MAPK8IP1: variants seen among roughly 807,000 people sequenced by gnomAD.
The protein encoded by MAPK8IP1 is C-Jun-amino-terminal kinase-interacting protein 1.
Under a neutral mutation model 72.6 loss-of-function variants are expected in MAPK8IP1, and 17 were observed. The ratio of observed to expected loss-of-function variants is 0.23; its 90% CI spans 0.16 to 0.35. MAPK8IP1 has a LOEUF of 0.35. Ranked by LOEUF, MAPK8IP1 falls within the 10% of genes least tolerant of loss-of-function variation. MAPK8IP1 has a pLI of 1.00. For synonymous variants in MAPK8IP1, 401 were observed against 443.4 expected, an observed-to-expected ratio of 0.90 and a Z score of 1.20; for missense variants, 789 against 1,009.7, an observed-to-expected ratio of 0.78 and a Z score of 2.96.
chr11:45,902,183 T>C lies in MAPK8IP1; in HGVS notation c.604+122T>C. 9.6e-7 allele frequency: 1 copy of C among 1,039,184 alleles called. No homozygotes were observed. The highest frequency in any genetic ancestry group is 1.5e-6 in the Non-Finnish European group (1 of 658,484). The allele number at this position is 1,039,184 out of a possible 1,614,324, so 64.4% of individuals were successfully genotyped here. A position where few individuals can be genotyped will look rare whatever the true frequency, so the allele number is the denominator to read the frequency against. The stretch of plus-strand genomic sequence containing the variant: ...GAGGTGAACTGCCCACCCACATCCC[T>C]GCACGAGCCCATCCAGGGGCTGAGA... On this transcript the variant is annotated intron_variant, in intron 4 of 11. Transcript: ENST00000241014. This position sits in a 1 kb window ranked among gnomAD's most constrained non-coding sequence, Gnocchi z 9.3.
At chr11:45,897,744 G>A (rs1033197928) in intron 1 of MAPK8IP1, among the ~76,000 whole-genome samples, 1 of 152,212 alleles carries the variant, frequency 6.6e-6, no homozygotes, top group African/African-American at 2.4e-5. Flanking sequence ...TGGTGAACTG[G>A]CCTTGGCACC....
chr11:45,888,965 G>A (rs1440587068), intron 1 of MAPK8IP1, among the ~76,000 whole-genome samples: 2 of 152,184 alleles, frequency 1.3e-5, no homozygotes, highest in African/African-American at 2.4e-5. Context: ...CTCCCAAAGT[G>A]CTGGAATTAC....
intron 1 of MAPK8IP1, among the ~76,000 whole-genome samples, chr11:45,889,531 A>T (rs1189296719): frequency 6.6e-6 from 1 of 152,158 alleles, no homozygotes; most frequent in Non-Finnish European, 1.5e-5. Context: ...TGGGACAAAG[A>T]GGAGGGGCAG....
In MAPK8IP1 at chr11:45,902,637, A is replaced by G; in HGVS notation, c.870A>G (p.Pro290=). 1 of 1,612,902 alleles carries G rather than the reference A, an allele frequency of 6.2e-7. No homozygotes were observed. The highest frequency in any genetic ancestry group is 8.5e-7 in the Non-Finnish European group (1 of 1,179,910). The change falls in exon 5 of 12, where the codon CCA becomes CCG. Residue 290 remains proline (P), a synonymous_variant. Transcript: ENST00000241014. This position sits in a 1 kb window ranked among gnomAD's most constrained non-coding sequence, Gnocchi z 9.3. ...ACCTGACCCCAGTGCAGAGGCCCCCAGACGCTGCAGAGCCCACCTCCGCCT... is the reference window on the plus strand; with the variant it reads ...ACCTGACCCCAGTGCAGAGGCCCCCGGACGCTGCAGAGCCCACCTCCGCCT... ...EIYLTPVQRP[P]DAAEPTSAFL... is the part of the protein sequence containing the mutation.
chr11:45,902,208 A>G lies in MAPK8IP1; in HGVS notation c.604+147A>G. The G allele has an allele frequency of 1.0e-6, 1 of 990,818 alleles. No individual in the cohort carries two copies. The highest frequency in any genetic ancestry group is 1.3e-5 in the South Asian group (1 of 76,942). The allele number at this position is 990,818 out of a possible 1,614,324, so 61.4% of individuals were successfully genotyped here. A position where few individuals can be genotyped will look rare whatever the true frequency, so the allele number is the denominator to read the frequency against. ...TGCACGAGCCCATCCAGGGGCTGAGATCAGTGGTGGCATGAGTGAGTTGAC... is the reference window on the plus strand; with the variant it reads ...TGCACGAGCCCATCCAGGGGCTGAGGTCAGTGGTGGCATGAGTGAGTTGAC... On this transcript the variant is annotated intron_variant, in intron 4 of 11. Coordinates refer to ENST00000241014, the MANE Select transcript of MAPK8IP1 (RefSeq NM_005456.4). The surrounding 1 kb of genome is among the most constrained non-coding windows in gnomAD (Gnocchi z 9.3).
Position 45,904,306 on chromosome 11 carries a change from A to G in MAPK8IP1, c.1666+145A>G. On this transcript the variant is annotated intron_variant, in intron 7 of 11. Transcript: ENST00000241014. The surrounding 1 kb of genome is among the most constrained non-coding windows in gnomAD (Gnocchi z 6.4). ...TTTAGGTCCTTTTCACGATCAAGCA[A>G]AGTGAGGCCCGGCCAAGTTGGGCAG... 1 of 1,223,144 alleles carries G rather than the reference A, an allele frequency of 8.2e-7. No homozygotes were observed. Among genetic ancestry groups the G allele is most frequent in the Non-Finnish European group, 1.2e-6 (1 of 848,764 alleles). 75.8% of individuals were successfully genotyped at this position (1,223,144 alleles called of 1,614,324 possible).
At chr11:45,892,495 G>GC (rs145586145) in intron 1 of MAPK8IP1, among the ~76,000 whole-genome samples, 8,914 of 152,282 alleles carry the variant, frequency 0.059, 375 homozygotes, top group Non-Finnish European at 0.082. Flanking sequence ...GCCACCGCGG[G>GC]CCGCATAACC....
intron 1 of MAPK8IP1, among the ~76,000 whole-genome samples, chr11:45,894,020 T>C (rs972062016): frequency 6.6e-5 from 10 of 151,960 alleles, no homozygotes; most frequent in Admixed American, 1.3e-4. Flanking sequence ...CCTTGATCCT[T>C]GGTAGTGACC....
Position 45,900,521 on chromosome 11 carries a change from T to C in MAPK8IP1, c.522+69T>C. The C allele has an allele frequency of 6.7e-7, 1 of 1,503,002 alleles. No individual in the cohort carries two copies. Among genetic ancestry groups the C allele is most frequent in the Non-Finnish European group, 8.9e-7 (1 of 1,127,848 alleles). The allele number at this position is 1,503,002 out of a possible 1,614,324, so 93.1% of individuals were successfully genotyped here. On this transcript the variant is annotated intron_variant, in intron 3 of 11. Coordinates refer to ENST00000241014, the MANE Select transcript of MAPK8IP1 (RefSeq NM_005456.4). The surrounding 1 kb of genome is among the most constrained non-coding windows in gnomAD (Gnocchi z 6.5). The stretch of plus-strand genomic sequence containing the variant: ...GATGTGAGGGGGAGCGCAGAGGGGC[T>C]GCAGCGGGAAGGGGCACCCACGGGT...
At chr11:45,891,592 C>T (rs2086566415) in intron 1 of MAPK8IP1, among the ~76,000 whole-genome samples, 1 of 152,096 alleles carries the variant, frequency 6.6e-6, no homozygotes, top group African/African-American at 2.4e-5. Flanking sequence ...CTGGCATGAC[C>T]CAAGATGAAA....
chr11:45,894,817 C>T (rs546053104), intron 1 of MAPK8IP1, among the ~76,000 whole-genome samples: 5 of 152,332 alleles, frequency 3.3e-5, no homozygotes, highest in Admixed American at 6.5e-5. Context: ...GTGCTGGATA[C>T]AGGCCCCATC....
chr11:45,903,785 C>T lies in MAPK8IP1; in HGVS notation c.1494-204C>T, dbSNP rs984477081. Among the ~76,000 whole-genome samples, 1 of 152,200 alleles carries T rather than the reference C, an allele frequency of 6.6e-6. No individual in the cohort carries two copies. The highest frequency in any genetic ancestry group is 2.4e-5 in the African/African-American group (1 of 41,450). On this transcript the variant is annotated intron_variant, in intron 6 of 11. Coordinates refer to ENST00000241014, the MANE Select transcript of MAPK8IP1 (RefSeq NM_005456.4). The surrounding 1 kb of genome is among the most constrained non-coding windows in gnomAD (Gnocchi z 6.4). ...TTTTAGAGGGGGCCCTGCCCACACCCTCCCTTGGCCTGTGTTTCCTCGATG... is the reference window on the plus strand; with the variant it reads ...TTTTAGAGGGGGCCCTGCCCACACCTTCCCTTGGCCTGTGTTTCCTCGATG...
At chr11:45,899,000 G>A (rs2086629223) in intron 2 of MAPK8IP1, among the ~76,000 whole-genome samples, 1 of 152,216 alleles carries the variant, frequency 6.6e-6, no homozygotes, top group Non-Finnish European at 1.5e-5. Flanking sequence ...GGTGTCAGGA[G>A]AGTGGTTACC....
Position 45,904,897 on chromosome 11 carries a change from T to G in MAPK8IP1, c.1893+63T>G. 6.2e-7 allele frequency: 1 copy of G among 1,602,998 alleles called. No homozygotes were observed. The highest frequency in any genetic ancestry group is 1.1e-5 in the South Asian group (1 of 90,868). On this transcript the variant is annotated intron_variant, in intron 9 of 11. Transcript: ENST00000241014. The surrounding 1 kb of genome is among the most constrained non-coding windows in gnomAD (Gnocchi z 6.4). The stretch of plus-strand genomic sequence containing the variant: ...CCAAGCTCTCCCCCAAGACTTGTGA[T>G]GAAGAGGCCATCTCCTGTCACCCTC...
At chr11:45,897,972 C>T (rs950085242) in intron 1 of MAPK8IP1, 113 bp from the exon 2 acceptor site, 1 of 704,924 alleles carries the variant, frequency 1.4e-6, no homozygotes, top group Non-Finnish European at 2.6e-6. Context: ...CAAATCCTGT[C>T]CTCTGGGGGC....
intron 2 of MAPK8IP1, among the ~76,000 whole-genome samples, chr11:45,899,847 C>A (rs1030361573): frequency 6.6e-6 from 1 of 152,220 alleles, no homozygotes; most frequent in South Asian, 2.1e-4. Context: ...CGGCTTACAA[C>A]CCCGGTGAGG....
At chr11:45,890,166 C>T (rs2086555638) in intron 1 of MAPK8IP1, among the ~76,000 whole-genome samples, 1 of 152,112 alleles carries the variant, frequency 6.6e-6, no homozygotes, top group Non-Finnish European at 1.5e-5. Context: ...CCCAGTCTGG[C>T]AGGAGGGTGG....
chr11:45,896,512 A>T (rs896162492), intron 1 of MAPK8IP1: 4 of 1,063,558 alleles, frequency 3.8e-6, no homozygotes, highest in Non-Finnish European at 4.6e-6. Flanking sequence ...TCAGCCCCCG[A>T]CAGGGGCATT....
rs751715760 is a variant in MAPK8IP1, at chr11:45,904,945, TCTTG to T, written c.1894-22_1894-19del. The T allele has an allele frequency of 6.2e-6, 10 of 1,612,524 alleles. No individual in the cohort carries two copies. Among genetic ancestry groups the T allele is most frequent in the East Asian group, 2.2e-5 (1 of 44,888 alleles). ...CTCACTGCAGGCCAGGTGACCGCCCTCTTGCTTCTTTTCTCCCTCCTGTAGGGGA... is the reference window on the plus strand; with the variant it reads ...CTCACTGCAGGCCAGGTGACCGCCCTCTTCTTTTCTCCCTCCTGTAGGGGA... On this transcript the variant is annotated intron_variant, in intron 9 of 11. Transcript: ENST00000241014. The surrounding 1 kb of genome is among the most constrained non-coding windows in gnomAD (Gnocchi z 6.4).
Sources: gnomAD v4.1 joint callset for allele counts (sites outside exome capture counted in the v4.1 genomes callset) on GRCh38, gnomAD v4.1.1 for gene constraint, Gnocchi (gnomAD v3.1) non-coding constraint, MANE v1.5 for transcripts, NCBI Gene and HGNC (gene_info 2026-07-23, HGNC 2026-07-21) for gene names.